ATG7: variants seen among roughly 807,000 people sequenced by gnomAD.
ATG7 encodes the protein ubiquitin-like modifier-activating enzyme ATG7.
ATG7 carries 70 observed loss-of-function variants against 82.4 expected under a neutral mutation model. The observed-to-expected ratio is 0.85, with a 90% confidence interval of 0.70 to 1.04. ATG7 has a LOEUF of 1.04. Among genes scored for constraint, ATG7 ranks in the 50% least tolerant of loss-of-function variants. The probability of loss-of-function intolerance (pLI) is 0.00; values close to 1 mark genes in which losing one functional copy is unlikely to be tolerated. For synonymous variants in ATG7, 287 were observed against 313.0 expected (o/e 0.92, Z 0.88); for missense variants, 792 against 864.3 (o/e 0.92, Z 1.05).
At chr3:11,287,775 G>A (rs890325908) in intron 3 of ATG7, among the ~76,000 whole-genome samples, 2 of 152,274 alleles carry the variant, frequency 1.3e-5, no homozygotes, top group Non-Finnish European at 1.5e-5. Context: ...TGTGGCCTTA[G>A]AATCTGGCCT....
chr3:11,549,517 A>G (rs1306422788), intron 20 of ATG7, among the ~76,000 whole-genome samples: 2 of 152,002 alleles, frequency 1.3e-5, no homozygotes, highest in Non-Finnish European at 2.9e-5. Context: ...CACCCCTTCC[A>G]GTTGGGCTTC....
chr3:11,311,849 T>C (rs1948725311), intron 7 of ATG7, among the ~76,000 whole-genome samples: 1 of 151,814 alleles, frequency 6.6e-6, no homozygotes, highest in Non-Finnish European at 1.5e-5. Context: ...AATAGCAGAA[T>C]TAGAGACCGC....
At chr3:11,451,076 C>A (rs904991348) in intron 20 of ATG7, among the ~76,000 whole-genome samples, 1 of 152,080 alleles carries the variant, frequency 6.6e-6, no homozygotes, top group Non-Finnish European at 1.5e-5. Flanking sequence ...TTTATTTGAC[C>A]TTAATGAAAT....
At chr3:11,283,027 C>T (rs932802550) in intron 3 of ATG7, among the ~76,000 whole-genome samples, 1 of 152,182 alleles carries the variant, frequency 6.6e-6, no homozygotes, top group East Asian at 1.9e-4. Flanking sequence ...CATTTTGGCC[C>T]AGAGAAGGCA....
chr3:11,477,794 C>G (rs562796625), intron 20 of ATG7, among the ~76,000 whole-genome samples: 2 of 152,292 alleles, frequency 1.3e-5, no homozygotes, highest in South Asian at 4.1e-4. Flanking sequence ...ACAGCCTAGA[C>G]GCATTCTCTG....
chr3:11,305,470 G>A (rs1559359875), intron 5 of ATG7, among the ~76,000 whole-genome samples: 1 of 152,120 alleles, frequency 6.6e-6, no homozygotes, highest in African/African-American at 2.4e-5. Context: ...TCTTCCTTCT[G>A]TTTCCACATC....
chr3:11,302,077 C>A (rs11706903), intron 5 of ATG7, among the ~76,000 whole-genome samples: 31,095 of 152,100 alleles, frequency 0.2, 3,559 homozygotes, highest in South Asian at 0.35. Context: ...CGTTGAATAC[C>A]CTCAGTGTGC....
chr3:11,472,046 T>A (rs541979737), intron 20 of ATG7, among the ~76,000 whole-genome samples: 1 of 152,302 alleles, frequency 6.6e-6, no homozygotes, highest in African/African-American at 2.4e-5. Context: ...CTTTTTCAGA[T>A]AATTTCTTCA....
chr3:11,568,481 C>A, the ATG7 span: 1 of 1,372,198 alleles, frequency 7.3e-7, no homozygotes, highest in Non-Finnish European at 1.0e-6. The surrounding 1 kb of genome is among the most constrained non-coding windows in gnomAD (Gnocchi z 5.9). Context: ...GGCCCACTAA[C>A]TGGAAAGACA....
At chr3:11,536,447 C>T (rs1168420293) in intron 20 of ATG7, among the ~76,000 whole-genome samples, 2 of 152,220 alleles carry the variant, frequency 1.3e-5, no homozygotes, top group African/African-American at 4.8e-5. Context: ...TTCCTAACTG[C>T]TTTTGTTTTG....
chr3:11,394,191 C>A (rs1489853616), intron 19 of ATG7, among the ~76,000 whole-genome samples: 3 of 152,224 alleles, frequency 2.0e-5, no homozygotes, highest in African/African-American at 7.2e-5. Flanking sequence ...AGAGCTATTA[C>A]TATTCTTCAA....
intron 3 of ATG7, among the ~76,000 whole-genome samples, chr3:11,296,393 A>C (rs564441340): frequency 5.2e-4 from 79 of 152,160 alleles, no homozygotes; most frequent in African/African-American, 1.9e-3. Flanking sequence ...GCTTGAGTCC[A>C]CCAAGATACC....
chr3:11,356,519 C>CGTTA (rs1559460643), intron 14 of ATG7, among the ~76,000 whole-genome samples: 1 of 152,124 alleles, frequency 6.6e-6, no homozygotes, highest in East Asian at 1.9e-4. Flanking sequence ...TGGGCTCTAA[C>CGTTA]GTTAGCTTAC....
chr3:11,478,189 CATG>C (rs1307991857), intron 20 of ATG7, among the ~76,000 whole-genome samples: 6 of 152,228 alleles, frequency 3.9e-5, no homozygotes, highest in Admixed American at 1.3e-4. Flanking sequence ...CTGAGAAAAA[CATG>C]GTGATTATTT....
intron 18 of ATG7, among the ~76,000 whole-genome samples, chr3:11,366,374 T>C (rs1323436318): frequency 6.6e-6 from 1 of 152,006 alleles, no homozygotes; most frequent in African/African-American, 2.4e-5. Context: ...TGTGCCCCCC[T>C]CTGTCCCCCA....
intron 20 of ATG7, 33 bp from the exon 21 acceptor site, chr3:11,554,778 A>C (rs758935673): frequency 2.7e-5 from 44 of 1,611,832 alleles, no homozygotes; most frequent in Non-Finnish European, 3.7e-5. Context: ...GCAGTGGGAC[A>C]TCTCGGCTGA....
intron 8 of ATG7, 133 bp downstream of exon 8, chr3:11,313,553 T>C: frequency 1.8e-6 from 1 of 570,226 alleles, no homozygotes; most frequent in Non-Finnish European, 3.0e-6. Context: ...AAGGTGGTAC[T>C]AGGAGCAGAC....
In ATG7 at chr3:11,296,413, C is replaced by T. The variant is rs549569428; in HGVS notation, c.-10-2273C>T. ...AGTCCACCAAGATACCAAGTTAGGT[C>T]ACCTTTTATTTTAAATCAGCCCCAA... On this transcript the variant is annotated intron_variant, in intron 3 of 20. Coordinates refer to ENST00000693202, the MANE Select transcript of ATG7 (RefSeq NM_001349232.2). 9.9e-5 allele frequency among the ~76,000 whole-genome samples: 15 copies of T among 152,252 alleles called. 1 individual carries two copies. The East Asian group carries it at 2.9e-3, about 29-fold the overall frequency.
At chr3:11,372,018 CTTTT>C (rs2077032534) in intron 18 of ATG7, among the ~76,000 whole-genome samples, 1 of 151,466 alleles carries the variant, frequency 6.6e-6, no homozygotes, top group Non-Finnish European at 1.5e-5. Context: ...TATTCTGATG[CTTTT>C]TGCATGCTGT....
Sources: allele counts gnomAD v4.1 joint callset (sites outside exome capture counted in the v4.1 genomes callset), GRCh38; gene constraint gnomAD v4.1.1; non-coding constraint Gnocchi (gnomAD v3.1); transcripts MANE v1.5; gene names NCBI Gene and HGNC (gene_info 2026-07-23, HGNC 2026-07-21).